The following TPH2 variants were observed in gnomAD, a reference collection of about 807,000 sequenced individuals.
TPH2 encodes the protein tryptophan hydroxylase 2, also known as tryptophan 5-hydroxylase 2.
TPH2 carries 27 observed loss-of-function variants against 59.1 expected under a neutral mutation model. The observed-to-expected ratio is 0.46, with a 90% CI of 0.34 to 0.63. The LOEUF is 0.63. Ranked by LOEUF, TPH2 falls within the 30% of genes least tolerant of loss-of-function variation. The pLI is 0.01. For missense variants in TPH2, 523 were observed against 588.3 expected, an observed-to-expected ratio of 0.89 and a Z score of 1.15; for synonymous variants, 220 against 210.5, an observed-to-expected ratio of 1.05 and a Z score of -0.39.
intron 4 of TPH2, among the ~76,000 whole-genome samples, chr12:71,948,489 C>T (rs1566114591): frequency 6.6e-6 from 1 of 152,130 alleles, no homozygotes; most frequent in South Asian, 2.1e-4. Context: ...TTTCTAGCCT[C>T]GAGGCCAGTT....
At chr12:71,984,533 C>G (rs541632442) in intron 7 of TPH2, among the ~76,000 whole-genome samples, 2 of 152,274 alleles carry the variant, frequency 1.3e-5, no homozygotes. Context: ...TCAGGCCTTG[C>G]TGAAGTCTTC....
intron 8 of TPH2, among the ~76,000 whole-genome samples, chr12:72,016,966 G>C (rs1873271618): frequency 6.6e-6 from 1 of 152,074 alleles, no homozygotes; most frequent in Non-Finnish European, 1.5e-5. Flanking sequence ...GAGGCAAAAG[G>C]GCCCTTCAGT....
rs543922916 is a variant in TPH2 at position 72,010,315 on chromosome 12, C to G, written c.1069-12084C>G. 3.3e-5 allele frequency among the ~76,000 whole-genome samples: 5 copies of G among 152,276 alleles called. No homozygotes were observed. The South Asian group carries it at 6.2e-4, about 19-fold the overall frequency. On this transcript the variant is annotated intron_variant, in intron 8 of 10. Coordinates refer to ENST00000333850, the MANE Select transcript of TPH2 (RefSeq NM_173353.4). ...GTGATTATTATGAGAGATAGGTGAGCTCAACTGAGCTTAAATGCCTTCTAG... is the reference window on the plus strand; with the variant it reads ...GTGATTATTATGAGAGATAGGTGAGGTCAACTGAGCTTAAATGCCTTCTAG...
chr12:71,951,795 G>A (rs1227020484), intron 5 of TPH2, among the ~76,000 whole-genome samples: 1 of 152,104 alleles, frequency 6.6e-6, no homozygotes, highest in Non-Finnish European at 1.5e-5. Flanking sequence ...GGAGGCTGAG[G>A]CAGGCAGATC....
chr12:72,008,882 T>G (rs1282805082), intron 8 of TPH2, among the ~76,000 whole-genome samples: 2 of 152,112 alleles, frequency 1.3e-5, no homozygotes, highest in East Asian at 3.8e-4. Flanking sequence ...CTTTAAATCA[T>G]GCAATCCTCT....
Position 72,031,655 on chromosome 12 carries a change from G to T in TPH2, c.1433G>T (p.Cys478Phe). 1 of 1,613,570 alleles carries T rather than the reference G, an allele frequency of 6.2e-7. No homozygotes were observed. The highest frequency in any genetic ancestry group is 1.1e-5 in the South Asian group (1 of 91,080). ...QDLRSDLNTV[C>F]DALNKMNQYL... is the part of the protein sequence containing the mutation. The stretch of plus-strand genomic sequence containing the variant: ...CTTCGCAGCGACTTGAATACAGTGT[G>T]TGATGCTTTAAACAAAATGAACCAA... Residue 478 changes from cysteine (C) to phenylalanine (F), a missense_variant, in exon 11 of 11, where the codon TGT (cysteine) becomes TTT (phenylalanine). Physicochemically the swap from Cys to Phe is radical, Grantham distance 205 (BLOSUM62 -2). Coordinates refer to ENST00000333850, the MANE Select transcript of TPH2 (RefSeq NM_173353.4).
In TPH2 at chr12:72,006,241, G is replaced by A. The variant is rs531963440; in HGVS notation, c.1068+11676G>A. On this transcript the variant is annotated intron_variant, in intron 8 of 10. Coordinates refer to ENST00000333850, the MANE Select transcript of TPH2 (RefSeq NM_173353.4). ...AAAGAGAAGATTATTCATAACACTT[G>A]TTAAAGAATGGTAAGGAAGACTTTA... Among the ~76,000 whole-genome samples, 115 of 152,268 alleles carry A rather than the reference G, an allele frequency of 7.6e-4. 1 individual carries two copies. The highest frequency in any genetic ancestry group is 4.1e-3 in the South Asian group (20 of 4,826).
intron 5 of TPH2, among the ~76,000 whole-genome samples, chr12:71,953,452 C>T (rs1018580662): frequency 6.6e-6 from 1 of 152,094 alleles, no homozygotes; most frequent in African/African-American, 2.4e-5. Flanking sequence ...CAGATACTAA[C>T]GAATTCCAAA....
At chr12:71,985,057 G>A (rs985780262) in intron 7 of TPH2, among the ~76,000 whole-genome samples, 3 of 152,180 alleles carry the variant, frequency 2.0e-5, no homozygotes, top group Non-Finnish European at 2.9e-5. Context: ...ACTGTTAATA[G>A]CACCAGACAC....
At position 71,944,463 on chromosome 12, in the gene TPH2, G is replaced by C; in HGVS notation, c.425G>C (p.Trp142Ser). The change falls in exon 3 of 11, where the codon TGG (tryptophan) becomes TCG (serine). Residue 142 changes from tryptophan to serine, a missense_variant. By Grantham distance (177) the Trp-to-Ser change is radical. Coordinates refer to ENST00000333850, the MANE Select transcript of TPH2 (RefSeq NM_173353.4). ...ACGCTGAATCCTCCAGAGAACATTT[G>C]GACAGAGGAAGAAGGCAAGGGTGGT... is the stretch of plus-strand genomic sequence containing the variant. ...IVTLNPPENIWTEEEELEDVP... is the reference protein window; with the variant it reads ...IVTLNPPENISTEEEELEDVP... 1 of 1,613,924 alleles carries C rather than the reference G, an allele frequency of 6.2e-7. No individual in the cohort carries two copies.
At position 71,957,398 on chromosome 12, in the gene TPH2, A is replaced by G. The variant is rs557077053; in HGVS notation, c.608+7743A>G. ...GTCACCCAGGCTGGAGTGCAGTGTC[A>G]TGCTCATGGGTCACTGCAGCCTCCA... On this transcript the variant is annotated intron_variant, in intron 5 of 10. Transcript: ENST00000333850. Among the ~76,000 whole-genome samples the G allele has an allele frequency of 7.6e-5, 10 of 132,264 alleles. No homozygotes were observed. In the East Asian group the frequency reaches 2.2e-3, roughly 29 times the overall value. The allele number at this position is 132,264 out of a possible 152,430, so 86.8% of individuals were successfully genotyped here. A position where few individuals can be genotyped will look rare whatever the true frequency, so the allele number is the denominator to read the frequency against.
chr12:71,973,163 C>G (rs989203620), intron 6 of TPH2, among the ~76,000 whole-genome samples: 1 of 152,150 alleles, frequency 6.6e-6, no homozygotes, highest in Admixed American at 6.5e-5. Flanking sequence ...GACGTTTGGA[C>G]CAGAGCAACT....
chr12:72,019,024 C>G (rs575723084), intron 8 of TPH2, among the ~76,000 whole-genome samples: 1 of 152,270 alleles, frequency 6.6e-6, no homozygotes, highest in African/African-American at 2.4e-5. Context: ...AGCCTTTGTG[C>G]TTTATTCTAT....
chr12:71,946,607 T>C (rs1871203724), intron 4 of TPH2, among the ~76,000 whole-genome samples: 1 of 152,204 alleles, frequency 6.6e-6, no homozygotes, highest in Non-Finnish European at 1.5e-5. Flanking sequence ...GCACACCAAA[T>C]GTTCATTATA....
At chr12:72,009,012 T>C (rs1046759730) in intron 8 of TPH2, among the ~76,000 whole-genome samples, 1 of 152,172 alleles carries the variant, frequency 6.6e-6, no homozygotes, top group Non-Finnish European at 1.5e-5. Flanking sequence ...TATTTACACA[T>C]CAGAGGATAT....
intron 7 of TPH2, among the ~76,000 whole-genome samples, chr12:71,993,468 T>G (rs184653697): frequency 5.8e-4 from 89 of 152,328 alleles, no homozygotes; most frequent in African/African-American, 2.0e-3. Context: ...CCATTACAGC[T>G]TGGTATCACG....
chr12:72,014,723 T>G (rs949488380), intron 8 of TPH2, among the ~76,000 whole-genome samples: 1 of 152,150 alleles, frequency 6.6e-6, no homozygotes, highest in Non-Finnish European at 1.5e-5. Flanking sequence ...ATGCTTGCCC[T>G]GCAAAACAAA....
chr12:71,993,466 G>T (rs1872624817), intron 7 of TPH2, among the ~76,000 whole-genome samples: 1 of 152,112 alleles, frequency 6.6e-6, no homozygotes, highest in Admixed American at 6.6e-5. Flanking sequence ...ATCCATTACA[G>T]CTTGGTATCA....
rs368293745 is a variant in TPH2, at chr12:71,938,903, G to A, written c.-84G>A. 6 of 1,175,632 alleles carry A rather than the reference G, an allele frequency of 5.1e-6. No individual in the cohort carries two copies. The highest frequency in any genetic ancestry group is 2.3e-5 in the East Asian group (1 of 42,788). The allele number at this position is 1,175,632 out of a possible 1,614,324, so 72.8% of individuals were successfully genotyped here. A position where few individuals can be genotyped will look rare whatever the true frequency, so the allele number is the denominator to read the frequency against. On this transcript the variant is annotated 5_prime_UTR_variant, in exon 1 of 11. Transcript: ENST00000333850. ...GCCCCAAGCAGGCAGCTGATCGCAC[G>A]CCCCTTCCTCTCAATCTCCGCCAGC...
Sources: allele counts gnomAD v4.1 joint callset (sites outside exome capture counted in the v4.1 genomes callset), GRCh38; gene constraint gnomAD v4.1.1; transcripts MANE v1.5; gene names NCBI Gene and HGNC (gene_info 2026-07-23, HGNC 2026-07-21).